CCDC192: variants seen among roughly 807,000 people sequenced by gnomAD.
CCDC192 encodes the protein coiled-coil domain containing 192.
chr5:127,813,142 C>A (rs1436797444), intron 5 of CCDC192, among the ~76,000 whole-genome samples: 1 of 152,198 alleles, frequency 6.6e-6, no homozygotes, highest in East Asian at 1.9e-4. Context: ...TGGCACACAC[C>A]TTTCCATGAG....
At chr5:127,720,659 A>G (rs1751968065) in intron 2 of CCDC192, among the ~76,000 whole-genome samples, 1 of 152,228 alleles carries the variant, frequency 6.6e-6, no homozygotes, top group African/African-American at 2.4e-5. Flanking sequence ...GTTCTCCATG[A>G]GGGCTTTGGC....
intron 5 of CCDC192, among the ~76,000 whole-genome samples, chr5:127,798,693 G>A (rs1757310633): frequency 1.3e-5 from 2 of 151,216 alleles, no homozygotes; most frequent in Admixed American, 1.3e-4. Context: ...CACGTTAAGT[G>A]ACATTATTTT....
intron 6 of CCDC192, among the ~76,000 whole-genome samples, chr5:127,916,970 A>G (rs928948186): frequency 6.6e-6 from 1 of 152,216 alleles, no homozygotes; most frequent in Non-Finnish European, 1.5e-5. Flanking sequence ...TCTTCTTCCA[A>G]TAGAAGGCTG....
intron 3 of CCDC192, among the ~76,000 whole-genome samples, chr5:127,781,040 C>T (rs763463838): frequency 1.6e-4 from 24 of 152,122 alleles, no homozygotes; most frequent in Non-Finnish European, 3.2e-4. Context: ...TTTCGTTCTC[C>T]TACATGTGGC....
At chr5:127,890,397 G>C (rs1202815428) in intron 6 of CCDC192, among the ~76,000 whole-genome samples, 1 of 149,540 alleles carries the variant, frequency 6.7e-6, no homozygotes, top group African/African-American at 2.5e-5. Context: ...TTGGTGTTTT[G>C]AGATGCCACT....
chr5:127,863,540 A>G (rs1751462256), intron 5 of CCDC192, among the ~76,000 whole-genome samples: 1 of 152,200 alleles, frequency 6.6e-6, no homozygotes. Context: ...TTTAGTTGCC[A>G]GAGGCTGGAA....
At chr5:127,761,903 A>G (rs1034706260) in intron 3 of CCDC192, among the ~76,000 whole-genome samples, 1 of 152,172 alleles carries the variant, frequency 6.6e-6, no homozygotes, top group African/African-American at 2.4e-5. Flanking sequence ...AACTCCCATT[A>G]TTTCTCTCTT....
intron 3 of CCDC192, chr5:127,785,942 C>A (rs1166026031): frequency 1.0e-5 from 5 of 497,444 alleles, no homozygotes; most frequent in South Asian, 4.3e-5. Context: ...AGGTCAAGCA[C>A]CTTCTGTACA....
intron 3 of CCDC192, among the ~76,000 whole-genome samples, chr5:127,765,011 A>G (rs1266364245): frequency 2.6e-5 from 4 of 152,208 alleles, no homozygotes; most frequent in Admixed American, 1.3e-4. Flanking sequence ...AGTTACACCA[A>G]TGCAAATCTC....
At chr5:127,936,410 T>C (rs1345607191) in intron 6 of CCDC192, among the ~76,000 whole-genome samples, 1 of 152,150 alleles carries the variant, frequency 6.6e-6, no homozygotes, top group Non-Finnish European at 1.5e-5. Context: ...AAGGCTGACA[T>C]AGAAAAGTGA....
intron 6 of CCDC192, among the ~76,000 whole-genome samples, chr5:127,928,971 T>C (rs9285909): frequency 0.46 from 69,105 of 151,760 alleles, 17,795 homozygotes; most frequent in East Asian, 0.64. Flanking sequence ...TTCACCAGGC[T>C]GGCCAGGCTG....
At chr5:127,801,068 A>G (rs921251980) in intron 5 of CCDC192, among the ~76,000 whole-genome samples, 7 of 152,096 alleles carry the variant, frequency 4.6e-5, no homozygotes, top group Non-Finnish European at 1.0e-4. Flanking sequence ...GTGTGTAAAG[A>G]TTTGGAATGG....
chr5:127,741,904 A>G (rs1025189918), intron 2 of CCDC192, among the ~76,000 whole-genome samples: 2 of 152,216 alleles, frequency 1.3e-5, no homozygotes, highest in African/African-American at 4.8e-5. Context: ...TCAAAGAGGA[A>G]GGAACAAAGC....
intron 6 of CCDC192, among the ~76,000 whole-genome samples, chr5:127,923,059 C>A (rs1320643305): frequency 6.6e-6 from 1 of 152,202 alleles, no homozygotes; most frequent in African/African-American, 2.4e-5. Flanking sequence ...AAAGAAGCCA[C>A]ATTTTCAGTT....
intron 6 of CCDC192, among the ~76,000 whole-genome samples, chr5:127,879,113 C>T (rs1236680260): frequency 2.0e-5 from 3 of 152,042 alleles, no homozygotes; most frequent in Non-Finnish European, 4.4e-5. Flanking sequence ...TGGGCTGAGA[C>T]AATGGGGTTT....
intron 6 of CCDC192, among the ~76,000 whole-genome samples, chr5:127,921,077 G>GGAAAGGAAAA (rs896651038): frequency 2.3e-5 from 3 of 132,960 alleles, no homozygotes; most frequent in Admixed American, 7.4e-5. Context: ...CAGGAAAGGA[G>GGAAAGGAAAA]GAAAGGAAAA....
rs1348129343 is a variant in CCDC192 at position 127,703,648 on chromosome 5, G to C, written c.62+141G>C. On this transcript the variant is annotated intron_variant, in intron 1 of 6. Coordinates refer to ENST00000514853, the MANE Select transcript of CCDC192 (RefSeq NM_001317938.2). ...CAGACTTTTTATCCTTTCCTGGAGA[G>C]TGACCCCTTTCTTTGAAAGCTGCTG... is the stretch of plus-strand genomic sequence containing the variant. 1.3e-5 allele frequency: 5 copies of C among 382,878 alleles called. No homozygotes were observed. In the East Asian group the frequency reaches 1.9e-4, roughly 14 times the overall value. 23.7% of individuals were successfully genotyped at this position (382,878 alleles called of 1,614,324 possible). A position where few individuals can be genotyped will look rare whatever the true frequency, so the allele number is the denominator to read the frequency against.
chr5:127,783,178 T>G (rs2126937258), intron 3 of CCDC192, among the ~76,000 whole-genome samples: 2 of 152,128 alleles, frequency 1.3e-5, no homozygotes, highest in Middle Eastern at 6.8e-3. Flanking sequence ...GTATTTTTAG[T>G]AAAGACCATG....
intron 6 of CCDC192, among the ~76,000 whole-genome samples, chr5:127,936,263 A>C (rs999134303): frequency 1.3e-5 from 2 of 152,200 alleles, no homozygotes; most frequent in African/African-American, 4.8e-5. Flanking sequence ...TTATCTATTT[A>C]GTTATTATTA....
Sources: allele counts gnomAD v4.1 joint callset (sites outside exome capture counted in the v4.1 genomes callset), GRCh38; gene constraint gnomAD v4.1.1; transcripts MANE v1.5; gene names NCBI Gene and HGNC (gene_info 2026-07-23, HGNC 2026-07-21).